TTN: variants seen among roughly 807,000 people sequenced by gnomAD.
TTN encodes the protein connectin.
A neutral mutation model predicts 3,223.0 loss-of-function variants in TTN; 1,525 were observed. The observed-to-expected ratio is 0.47, with a 90% confidence interval of 0.45 to 0.49. TTN has a LOEUF of 0.49. Ranked by LOEUF, TTN falls within the 20% of genes least tolerant of loss-of-function variation. The probability of loss-of-function intolerance (pLI) is 0.00; values close to 1 mark genes in which losing one functional copy is unlikely to be tolerated. For missense variants in TTN, 40,786 were observed against 43,424.0 expected (o/e 0.94, Z 5.40); for synonymous variants, 14,094 against 15,161.0 (o/e 0.93, Z 5.17).
rs1385153141 is a variant in TTN, at chr2:178,740,104, G to A, written c.13129C>T (p.Leu4377Phe). 6.2e-7 allele frequency: 1 copy of A among 1,613,822 alleles called. No individual in the cohort carries two copies. The highest frequency in any genetic ancestry group is 1.1e-5 in the South Asian group (1 of 91,084). Reference protein sequence around the residue: ...KKVQEVQGRDLLSKESLLSGI... With the variant: ...KKVQEVQGRDFLSKESLLSGI... ...GAAAGCAAGCTTTCCTTAGAAAGAA[G>A]GTCCCTTCCCTGTACCTCCTGCACT... Residue 4377 changes from leucine (L) to phenylalanine (F), a missense_variant, in exon 48 of 363, where the codon CTT (leucine) becomes TTT (phenylalanine). Coordinates refer to ENST00000589042, the MANE Select transcript of TTN (RefSeq NM_001267550.2).
intron 67 of TTN, 59 bp from the exon 68 acceptor site, chr2:178,727,922 A>G (rs1578113492): frequency 1.3e-6 from 2 of 1,485,376 alleles, no homozygotes; most frequent in Non-Finnish European, 8.9e-7. Context: ...TTATTGTGAC[A>G]GTTTTATGGA....
chr2:178,649,764 A>C, intron 211 of TTN, 53 bp downstream of exon 211: 3 of 1,570,698 alleles, frequency 1.9e-6, no homozygotes, highest in Non-Finnish European at 2.6e-6. Flanking sequence ...CAATAAGAAG[A>C]GTGTAAAATT....
chr2:178,667,744 A>G (rs761585171), intron 159 of TTN, 23 bp from the exon 160 acceptor site: 3 of 1,469,930 alleles, frequency 2.0e-6, no homozygotes, highest in Non-Finnish European at 1.9e-6. Context: ...TAGTATTTAA[A>G]TAATTAGGAT....
rs371788854 is a variant in TTN, at chr2:178,731,536, C to T, written c.17230G>A (p.Gly5744Arg). Residue 5744 changes from glycine (G) to arginine (R), a missense_variant, in exon 59 of 363, where the codon GGA becomes AGA. Transcript: ENST00000589042. ...GTGGCCTGGAAGGCAGCTGTGCCTC[C>T]CCGGAGGGAGCTGGTACTCTCGATC... ...KKIESTSSLR[G>R]GTAAFQATLK... 1.9e-5 allele frequency: 31 copies of T among 1,612,714 alleles called. No homozygotes were observed. Among genetic ancestry groups the T allele is most frequent in the Non-Finnish European group, 2.6e-5 (31 of 1,179,306 alleles).
Position 178,636,473 on chromosome 2 carries a change from C to T in TTN, c.41254G>A (p.Asp13752Asn), listed in dbSNP as rs1349773180. 1.4e-5 allele frequency: 23 copies of T among 1,613,322 alleles called. No individual in the cohort carries two copies. The highest frequency in any genetic ancestry group is 1.7e-5 in the Non-Finnish European group (20 of 1,179,560). ...AAAACACAGGTGTATTCACCAGCAT[C>T]GGAAAGTTGAACATCAATGATGTGC... Reference protein sequence around the residue: ...KLHIIDVQLSDAGEYTCVLRL... With the variant: ...KLHIIDVQLSNAGEYTCVLRL... Residue 13752 changes from aspartate (D) to asparagine (N), a missense_variant, in exon 225 of 363, where the codon GAT (aspartate) becomes AAT (asparagine). Transcript: ENST00000589042. The surrounding 1 kb of genome is among the most constrained non-coding windows in gnomAD (Gnocchi z 4.3).
rs376683928 is a variant in TTN at position 178,562,815 on chromosome 2, A to G, written c.83317T>C (p.Leu27773=). 55 of 1,613,006 alleles carry G rather than the reference A, an allele frequency of 3.4e-5. 1 individual carries two copies. The highest frequency in any genetic ancestry group is 5.3e-5 in the African/African-American group (4 of 74,876). Residue 27773 remains leucine, a synonymous_variant, in exon 326 of 363, where the codon TTG becomes CTG. Coordinates refer to ENST00000589042, the MANE Select transcript of TTN (RefSeq NM_001267550.2). ...TCTTTCTTCACTTCTCTTATGGTCA[A>G]ATTCACAGGGGCACTTGGTGAGTCA... ...VLDSPSAPVN[L]TIREVKKDSV... is the part of the protein sequence containing the mutation.
rs1001859722 is a variant in TTN, at chr2:178,641,291, T to G, written c.40583A>C (p.Glu13528Ala). The change falls in exon 220 of 363, where the codon GAA becomes GCA. Residue 13528 changes from glutamate (E) to alanine (A), a missense_variant. Transcript: ENST00000589042. Reference protein sequence around the residue: ...KSVLRKRPEEEEPKVEPKKLE... With the variant: ...KSVLRKRPEEAEPKVEPKKLE... ...TTTTTTAGGTTCTACTTTAGGTTCT[T>G]CTTCTTCAGGTCTTTTTCTTAGAAC... 4 of 1,510,258 alleles carry G rather than the reference T, an allele frequency of 2.6e-6. No individual in the cohort carries two copies. The African/African-American group carries it at 5.7e-5, about 22-fold the overall frequency. The allele number at this position is 1,510,258 out of a possible 1,614,324, so 93.6% of individuals were successfully genotyped here.
At chr2:178,790,990 G>T in intron 10 of TTN, 145 bp from the exon 11 acceptor site, 1 of 997,360 alleles carries the variant, frequency 1.0e-6, no homozygotes, top group Non-Finnish European at 1.5e-6. Flanking sequence ...CTACACTTGT[G>T]CTTAATACAT....
rs541105227 is a variant in TTN at position 178,712,191 on chromosome 2, C to T, written c.27639G>A (p.Pro9213=). The change falls in exon 96 of 363, where the codon CCG becomes CCA. Residue 9213 remains proline, a synonymous_variant. Coordinates refer to ENST00000589042, the MANE Select transcript of TTN (RefSeq NM_001267550.2). The part of the protein sequence containing the change: ...EPPYFVKQLE[P]VKVSVGDSAS... ...CAGAATCTCCAACAGACACCTTAAC[C>T]GGCTCCAACTGCTTGACAAAATACG... The T allele has an allele frequency of 2.5e-5, 41 of 1,613,552 alleles. No homozygotes were observed. The highest frequency in any genetic ancestry group is 4.0e-5 in the African/African-American group (3 of 75,010).
At position 178,704,589 on chromosome 2, in the gene TTN, T is replaced by G; in HGVS notation, c.29883A>C (p.Lys9961Asn). 6 of 1,613,396 alleles carry G rather than the reference T, an allele frequency of 3.7e-6. No individual in the cohort carries two copies. Among genetic ancestry groups the G allele is most frequent in the Non-Finnish European group, 5.1e-6 (6 of 1,179,562 alleles). Residue 9961 changes from lysine (K) to asparagine (N), a missense_variant, in exon 105 of 363, where the codon AAA (lysine) becomes AAC (asparagine). By Grantham distance (94) the Lys-to-Asn change is moderately conservative. Transcript: ENST00000589042. ...TGCCCTGGTCTTTAAGTTGACAGTT[T>G]TTGACTCTGAGTGTATGTCGGTCAC... is the stretch of plus-strand genomic sequence containing the variant. ...IDGDRHTLRVKNCQLKDQGNY... is the reference protein window; with the variant it reads ...IDGDRHTLRVNNCQLKDQGNY...
At position 178,535,488 on chromosome 2, in the gene TTN, T is replaced by G. The variant is rs565614320; in HGVS notation, c.101127A>C (p.Thr33709=). 6.2e-7 allele frequency: 1 copy of G among 1,613,912 alleles called. No individual in the cohort carries two copies. Among genetic ancestry groups the G allele is most frequent in the Admixed American group, 1.7e-5 (1 of 60,004 alleles). Residue 33709 remains threonine (T), a synonymous_variant, in exon 358 of 363, where the codon ACA becomes ACC. Coordinates refer to ENST00000589042, the MANE Select transcript of TTN (RefSeq NM_001267550.2). ...CACCATCAGAGGCTGGCTCAGTCCA[T>G]GTTAAGTTGACAGAATCTCGTGAGA... The part of the protein sequence containing the change: ...SDVSRDSVNL[T]WTEPASDGGS...
At position 178,582,333 on chromosome 2, in the gene TTN, T is replaced by C. The variant is rs727504190; in HGVS notation, c.66123A>G (p.Pro22041=). The change falls in exon 314 of 363, where the codon CCA becomes CCG. Residue 22041 remains proline, a synonymous_variant. Transcript: ENST00000589042. ...CAENKYGVGD[P]VFTEPAIAKN... is the part of the protein sequence containing the mutation. ...TGGCAATTGCTGGTTCAGTGAAGAC[T>C]GGATCGCCTACTCCATATTTATTTT... The C allele has an allele frequency of 9.8e-5, 157 of 1,603,050 alleles. No individual in the cohort carries two copies. The highest frequency in any genetic ancestry group is 1.2e-4 in the Non-Finnish European group (143 of 1,174,476).
At chr2:178,646,648 C>G in intron 215 of TTN, 89 bp from the exon 216 acceptor site, 1 of 711,636 alleles carries the variant, frequency 1.4e-6, no homozygotes. Flanking sequence ...GCAAAGATTA[C>G]AGTCACAAAA....
rs1705791323 is a variant in TTN, at chr2:178,566,246, T to A, written c.79886A>T (p.Glu26629Val). 6.2e-7 allele frequency: 1 copy of A among 1,613,716 alleles called. No individual in the cohort carries two copies. Among genetic ancestry groups the A allele is most frequent in the Non-Finnish European group, 8.5e-7 (1 of 1,179,710 alleles). ...GACCTTATCTGTGAATTCACCTTCC[T>A]CTCGAGACCAAGTGATCTCAGGCGT... ...RPTPEITWSR[E>V]EGEFTDKVQI... The change falls in exon 326 of 363, where the codon GAG becomes GTG. Residue 26629 changes from glutamate (E) to valine (V), a missense_variant. Transcript: ENST00000589042.
At chr2:178,721,825 G>A (rs2078414376) in intron 78 of TTN, 22 bp downstream of exon 78, 2 of 1,475,688 alleles carry the variant, frequency 1.4e-6, no homozygotes, top group East Asian at 2.4e-5. Flanking sequence ...AACAAATATT[G>A]TCAAAAGTCA....
chr2:178,724,415 A>G lies in TTN; in HGVS notation c.20960T>C (p.Leu6987Pro), dbSNP rs375676942. ...LSVEWYKDGK[L>P]LTSSQKHKFS... The stretch of plus-strand genomic sequence containing the variant: ...TTTGTGTTTTTGGCTGCTGGTCAAC[A>G]GCTTTCCATCCTTGTACCATTCAAC... The change falls in exon 72 of 363, where the codon CTG (leucine) becomes CCG (proline). Residue 6987 changes from leucine (L) to proline (P), a missense_variant. Transcript: ENST00000589042. 3.7e-6 allele frequency: 6 copies of G among 1,613,408 alleles called. No individual in the cohort carries two copies. In the African/African-American group the frequency reaches 8.0e-5, roughly 22 times the overall value.
chr2:178,725,664 A>G lies in TTN; in HGVS notation c.20555-15T>C. ...TCTTGGTGGTTCTGAACAGGAAAAGATGGATGGAAATTGTTGAAAAGATTG... is the reference window on the plus strand; with the variant it reads ...TCTTGGTGGTTCTGAACAGGAAAAGGTGGATGGAAATTGTTGAAAAGATTG... On this transcript the variant is annotated splice_polypyrimidine_tract_variant and intron_variant, in intron 70 of 362. Transcript: ENST00000589042. 1 of 1,557,622 alleles carries G rather than the reference A, an allele frequency of 6.4e-7. No homozygotes were observed. The highest frequency in any genetic ancestry group is 8.7e-7 in the Non-Finnish European group (1 of 1,151,622).
chr2:178,611,125 T>TTAATC lies in TTN; in HGVS notation c.50999_51003dup (p.Thr17002AspfsTer2). On this transcript the variant is annotated frameshift_variant, in exon 270 of 363. Coordinates refer to ENST00000589042, the MANE Select transcript of TTN (RefSeq NM_001267550.2). LOFTEE classifies it high-confidence loss of function. ...GCAGAGATGTGATCATTCTTCATTG[T>TTAATC]TAATCTATCACTTGCTTTAACTTCT... The TTAATC allele has an allele frequency of 6.2e-7, 1 of 1,612,854 alleles. No individual in the cohort carries two copies.
Position 178,724,304 on chromosome 2 carries a change from T to C in TTN, c.21071A>G (p.Asn7024Ser). 6.2e-7 allele frequency: 1 copy of C among 1,613,482 alleles called. No individual in the cohort carries two copies. Among genetic ancestry groups the C allele is most frequent in the Non-Finnish European group, 8.5e-7 (1 of 1,179,600 alleles). The change falls in exon 72 of 363, where the codon AAT becomes AGT. Residue 7024 changes from asparagine (N) to serine (S), a missense_variant. Asn to Ser is a conservative substitution (Grantham distance 46, BLOSUM62 1). Coordinates refer to ENST00000589042, the MANE Select transcript of TTN (RefSeq NM_001267550.2). ...TGTGCAGCTGCTTTTCCCAACATTA[T>C]TTTGAACCTGGAAAGTGTATGTGCC... is the stretch of plus-strand genomic sequence containing the variant. ...DAGTYTFQVQ[N>S]NVGKSSCTAV...
Sources: allele counts gnomAD v4.1 joint callset, GRCh38; gene constraint gnomAD v4.1.1; non-coding constraint Gnocchi (gnomAD v3.1); transcripts MANE v1.5; gene names NCBI Gene and HGNC (gene_info 2026-07-23, HGNC 2026-07-21).